Variants in PPP1R9A observed in about 807,000 individuals in gnomAD.
The protein encoded by PPP1R9A is neurabin-1.
Under a neutral mutation model 141.9 loss-of-function variants are expected in PPP1R9A, and 59 were observed. That is an observed-to-expected ratio of 0.42 (90% CI 0.34 to 0.52). The LOEUF (loss-of-function observed/expected upper bound fraction) is 0.52, where lower values mean the gene tolerates loss of function less well. PPP1R9A is among the 20% of genes least tolerant of loss of function. The pLI is 0.10. For missense variants in PPP1R9A, 1,444 were observed against 1,611.9 expected (o/e 0.90, Z 1.78); for synonymous variants, 500 against 569.7 (o/e 0.88, Z 1.74).
At chr7:94,948,787 A>G (rs777307974) in intron 2 of PPP1R9A, among the ~76,000 whole-genome samples, 9 of 152,102 alleles carry the variant, frequency 5.9e-5, no homozygotes, top group East Asian at 1.9e-4. Flanking sequence ...TTGGGACTCC[A>G]TGGTCTTTCA....
intron 2 of PPP1R9A, among the ~76,000 whole-genome samples, chr7:94,921,644 G>T (rs1375061215): frequency 6.6e-6 from 1 of 151,910 alleles, no homozygotes; most frequent in Non-Finnish European, 1.5e-5. Context: ...TTCTCAGGGG[G>T]AAAGGCAAAA....
At chr7:95,249,183 G>A (rs1042000140) in intron 9 of PPP1R9A, among the ~76,000 whole-genome samples, 16 of 152,202 alleles carry the variant, frequency 1.1e-4, no homozygotes, top group South Asian at 4.2e-4. Context: ...TTTCTGTTCC[G>A]TGGGAGGGAA....
chr7:95,181,580 C>T (rs1833824797), intron 5 of PPP1R9A, among the ~76,000 whole-genome samples: 1 of 134,052 alleles, frequency 7.5e-6, no homozygotes, highest in South Asian at 2.3e-4. Context: ...TATATTCCAT[C>T]ACATATATAT....
chr7:95,224,376 C>T (rs562260024), intron 7 of PPP1R9A, among the ~76,000 whole-genome samples: 1 of 152,114 alleles, frequency 6.6e-6, no homozygotes, highest in Non-Finnish European at 1.5e-5. Flanking sequence ...ACAGATGCCA[C>T]CAATGTCAAG....
chr7:95,016,283 A>G (rs1805091863), intron 2 of PPP1R9A, among the ~76,000 whole-genome samples: 1 of 152,150 alleles, frequency 6.6e-6, no homozygotes, highest in South Asian at 2.1e-4. Flanking sequence ...ATATAATAGT[A>G]CTACAGACAT....
At chr7:95,091,996 G>A (rs1161281962) in intron 2 of PPP1R9A, among the ~76,000 whole-genome samples, 1 of 152,082 alleles carries the variant, frequency 6.6e-6, no homozygotes, top group Non-Finnish European at 1.5e-5. Flanking sequence ...AGATGATTAT[G>A]AGATTTAAAT....
intron 7 of PPP1R9A, among the ~76,000 whole-genome samples, chr7:95,216,586 A>T (rs942923086): frequency 9.2e-5 from 14 of 152,040 alleles, no homozygotes; most frequent in African/African-American, 3.1e-4. Flanking sequence ...TATTGATTCT[A>T]CCTATCCATG....
intron 2 of PPP1R9A, among the ~76,000 whole-genome samples, chr7:95,079,021 A>G (rs1369861844): frequency 2.0e-5 from 3 of 152,050 alleles, no homozygotes; most frequent in Non-Finnish European, 4.4e-5. Flanking sequence ...TTTTGTTGCC[A>G]TTGCTTTTGG....
chr7:94,960,027 A>G lies in PPP1R9A; in HGVS notation c.1395+48519A>G, dbSNP rs149216405. On this transcript the variant is annotated intron_variant, in intron 2 of 19. Coordinates refer to ENST00000433360, the MANE Select transcript of PPP1R9A (RefSeq NM_001166160.2). ...TAATTTCTGCTTCACCATGTGGTCTATACCCCTATTCTATTCATTTGTAGA... is the reference window on the plus strand; with the variant it reads ...TAATTTCTGCTTCACCATGTGGTCTGTACCCCTATTCTATTCATTTGTAGA... Among the ~76,000 whole-genome samples, 554 of 151,828 alleles carry G rather than the reference A, an allele frequency of 3.6e-3. 3 individuals carry two copies. Among genetic ancestry groups the G allele is most frequent in the African/African-American group, 0.012 (519 of 41,538 alleles).
At chr7:95,154,515 C>T (rs1241036626) in intron 4 of PPP1R9A, among the ~76,000 whole-genome samples, 1 of 152,016 alleles carries the variant, frequency 6.6e-6, no homozygotes. Context: ...CTAGCAGATC[C>T]TTTAAGAAGA....
In PPP1R9A at chr7:95,251,910, G is replaced by A. The variant is rs542102326; in HGVS notation, c.2494-49G>A. 7 of 1,609,668 alleles carry A rather than the reference G, an allele frequency of 4.3e-6. No individual in the cohort carries two copies. The African/African-American group carries it at 6.7e-5, about 15-fold the overall frequency. ...ATAATAAGATGGTTTTGCTGTACTT[G>A]GAGGGGAGCGCTAGTTTAGAGTTTT... On this transcript the variant is annotated intron_variant, in intron 11 of 19. Transcript: ENST00000433360.
intron 9 of PPP1R9A, among the ~76,000 whole-genome samples, chr7:95,247,735 A>C (rs1798313068): frequency 6.7e-6 from 1 of 149,094 alleles, no homozygotes; most frequent in African/African-American, 2.6e-5. Context: ...AATATTTTAG[A>C]TATATATATT....
At chr7:95,165,180 G>A (rs1831056745) in intron 5 of PPP1R9A, among the ~76,000 whole-genome samples, 1 of 152,044 alleles carries the variant, frequency 6.6e-6, no homozygotes, top group Non-Finnish European at 1.5e-5. Flanking sequence ...CTCTCCACCT[G>A]GTTATTGACT....
chr7:95,039,260 C>A (rs1161001859), intron 2 of PPP1R9A, among the ~76,000 whole-genome samples: 1 of 151,946 alleles, frequency 6.6e-6, no homozygotes, highest in Admixed American at 6.6e-5. Context: ...AGAATGGAGT[C>A]GAAAACTCGA....
intron 2 of PPP1R9A, among the ~76,000 whole-genome samples, chr7:94,976,028 G>A (rs539912576): frequency 6.6e-6 from 1 of 152,132 alleles, no homozygotes; most frequent in African/African-American, 2.4e-5. Context: ...GGGATTGTGT[G>A]TTCAGGTTTG....
chr7:94,996,734 G>C (rs1340340671), intron 2 of PPP1R9A, among the ~76,000 whole-genome samples: 3 of 146,392 alleles, frequency 2.0e-5, no homozygotes, highest in Non-Finnish European at 4.5e-5. Context: ...TTCCATTTTT[G>C]TTAGTTTGTA....
intron 5 of PPP1R9A, among the ~76,000 whole-genome samples, chr7:95,189,740 T>A (rs1835213819): frequency 1.3e-5 from 2 of 152,100 alleles, no homozygotes; most frequent in South Asian, 4.1e-4. Flanking sequence ...CCGGCCGGGT[T>A]TGTTTATTCT....
At chr7:95,245,534 G>A (rs1798009283) in intron 8 of PPP1R9A, among the ~76,000 whole-genome samples, 1 of 152,084 alleles carries the variant, frequency 6.6e-6, no homozygotes, top group Non-Finnish European at 1.5e-5. Context: ...TATCTGACTG[G>A]CTAGCCTGGT....
intron 2 of PPP1R9A, among the ~76,000 whole-genome samples, chr7:95,084,004 A>T (rs1482408372): frequency 6.6e-6 from 1 of 152,020 alleles, no homozygotes; most frequent in Non-Finnish European, 1.5e-5. Flanking sequence ...AAAAATAAAG[A>T]CGACAGCAGA....
Sources: allele counts gnomAD v4.1 joint callset (sites outside exome capture counted in the v4.1 genomes callset), GRCh38; gene constraint gnomAD v4.1.1; transcripts MANE v1.5; gene names NCBI Gene and HGNC (gene_info 2026-07-23, HGNC 2026-07-21).